The following TMEM164 variants were observed in gnomAD, a reference collection of about 807,000 sequenced individuals.
TMEM164 encodes the protein RP13-360B22.2.
TMEM164 carries 4 observed loss-of-function variants against 18.8 expected under a neutral mutation model. The observed-to-expected ratio is 0.21, with a 90% CI of 0.10 to 0.49. TMEM164 has a LOEUF of 0.49. TMEM164 is among the 20% of genes least tolerant of loss of function. The pLI, the probability that TMEM164 is intolerant of heterozygous loss-of-function variation, is 0.98. For synonymous variants in TMEM164, 86 were observed against 101.7 expected (o/e 0.85, Z 0.93); for missense variants, 108 against 239.9 (o/e 0.45, Z 3.63).
chrX:110,022,013 G>C (rs1306819624), intron 2 of TMEM164, among the ~76,000 whole-genome samples: 1 of 111,523 alleles, frequency 9.0e-6, no homozygotes, highest in Non-Finnish European at 1.9e-5. Context: ...TAGGGCAGCA[G>C]ATAATAAAAC....
chrX:110,067,154 G>GCACA (rs56336159), intron 2 of TMEM164, among the ~76,000 whole-genome samples, 193 bp from the exon 3 acceptor site: 4,160 of 101,564 alleles, frequency 0.041, 190 homozygotes, highest in African/African-American at 0.13. Flanking sequence ...TCATGTGTGC[G>GCACA]CACACACACA....
intron 4 of TMEM164, among the ~76,000 whole-genome samples, chrX:110,135,590 G>A (rs920950049): frequency 2.7e-5 from 3 of 111,519 alleles, no homozygotes; most frequent in African/African-American, 9.8e-5. Context: ...AATGTATCTT[G>A]TTTCTTCTTC....
intron 3 of TMEM164, among the ~76,000 whole-genome samples, chrX:110,085,229 T>A (rs1048956862): frequency 9.4e-6 from 1 of 106,128 alleles, no homozygotes; most frequent in African/African-American, 3.4e-5. Context: ...GGCATGTTCA[T>A]AGCTCATGGA....
chrX:110,055,331 G>A (rs758970331), intron 2 of TMEM164: 3 of 383,813 alleles, frequency 7.8e-6, no homozygotes, highest in Admixed American at 2.5e-5. Flanking sequence ...GGGCCGCCAC[G>A]AATGGCTATG....
At chrX:110,143,996 C>T (rs2066813725) in intron 4 of TMEM164, among the ~76,000 whole-genome samples, 1 of 112,030 alleles carries the variant, frequency 8.9e-6, no homozygotes, top group Non-Finnish European at 1.9e-5. Context: ...CAGGTCAAAA[C>T]ATGCTCTGCT....
intron 4 of TMEM164, among the ~76,000 whole-genome samples, chrX:110,111,436 C>T (rs1394807033): frequency 1.8e-5 from 2 of 112,184 alleles, no homozygotes; most frequent in African/African-American, 6.5e-5. Flanking sequence ...TCTCTCTGCT[C>T]CCCCTTGTAC....
At chrX:110,068,863 G>T (rs1602563818) in intron 3 of TMEM164, among the ~76,000 whole-genome samples, 1 of 111,157 alleles carries the variant, frequency 9.0e-6, no homozygotes, top group East Asian at 2.8e-4. Context: ...ACAAGTTTTG[G>T]AATGTTTTGT....
intron 4 of TMEM164, among the ~76,000 whole-genome samples, chrX:110,136,032 A>G (rs2066686541): frequency 8.9e-6 from 1 of 111,923 alleles, no homozygotes; most frequent in African/African-American, 3.2e-5. Context: ...ATCAGGATCC[A>G]GTGAAGTTTC....
intron 4 of TMEM164, among the ~76,000 whole-genome samples, chrX:110,134,423 A>G (rs1393620315): frequency 9.1e-6 from 1 of 109,983 alleles, no homozygotes; most frequent in Non-Finnish European, 1.9e-5. Context: ...AGCCAAGCAC[A>G]GTGGCCTGTG....
intron 4 of TMEM164, among the ~76,000 whole-genome samples, chrX:110,112,210 G>A (rs933411002): frequency 1.8e-5 from 2 of 111,603 alleles, no homozygotes; most frequent in African/African-American, 6.5e-5. Flanking sequence ...GCATATGCCT[G>A]TAATCCCAGC....
chrX:110,111,477 A>G (rs1181163505), intron 4 of TMEM164, among the ~76,000 whole-genome samples: 1 of 112,179 alleles, frequency 8.9e-6, no homozygotes, highest in Non-Finnish European at 1.9e-5. Flanking sequence ...GAAGTCAGGC[A>G]GATAGAGAGC....
chrX:110,093,504 T>C (rs1028187265), intron 3 of TMEM164, among the ~76,000 whole-genome samples: 1 of 112,184 alleles, frequency 8.9e-6, no homozygotes, highest in African/African-American at 3.2e-5. Context: ...TCTCTGATAG[T>C]TTGTATTTCT....
At chrX:110,151,036 C>A (rs1437515766) in intron 5 of TMEM164, among the ~76,000 whole-genome samples, 2 of 112,033 alleles carry the variant, frequency 1.8e-5, no homozygotes, top group African/African-American at 6.5e-5. Context: ...GTGACAGTCC[C>A]CGGATTTGAA....
At chrX:110,098,358 G>A (rs2066053218) in intron 3 of TMEM164, among the ~76,000 whole-genome samples, 1 of 111,856 alleles carries the variant, frequency 8.9e-6, no homozygotes, top group Non-Finnish European at 1.9e-5. Flanking sequence ...TATGAATAGA[G>A]TTGCTGTAAA....
chrX:110,160,404 G>A (rs776001970), intron 5 of TMEM164, among the ~76,000 whole-genome samples: 1 of 112,474 alleles, frequency 8.9e-6, no homozygotes, highest in African/African-American at 3.2e-5. Context: ...TGCTTTGAAA[G>A]TGATGGTAGT....
At chrX:110,040,272 G>A (rs1935031971) in intron 2 of TMEM164, among the ~76,000 whole-genome samples, 1 of 112,391 alleles carries the variant, frequency 8.9e-6, no homozygotes, top group South Asian at 3.7e-4. Flanking sequence ...CTTTGGTAAT[G>A]TGAATTGTAG....
chrX:110,062,902 T>A (rs961919795), intron 2 of TMEM164, among the ~76,000 whole-genome samples: 1 of 111,440 alleles, frequency 9.0e-6, no homozygotes, highest in African/African-American at 3.3e-5. Flanking sequence ...GATAGATCCC[T>A]CTTGTAGCAG....
chrX:110,107,499 G>A (rs190572135), intron 3 of TMEM164, among the ~76,000 whole-genome samples: 3 of 111,894 alleles, frequency 2.7e-5, no homozygotes, highest in Admixed American at 1.9e-4. Flanking sequence ...GCATACCATC[G>A]CTATTCGCAA....
chrX:110,128,428 G>C (rs1314750797), intron 4 of TMEM164, among the ~76,000 whole-genome samples: 1 of 112,279 alleles, frequency 8.9e-6, no homozygotes, highest in Non-Finnish European at 1.9e-5. Flanking sequence ...TTACTCCTTT[G>C]AAAGTAATCT....
Sources: allele counts gnomAD v4.1 joint callset (sites outside exome capture counted in the v4.1 genomes callset), GRCh38; gene constraint gnomAD v4.1.1; transcripts MANE v1.5; gene names NCBI Gene and HGNC (gene_info 2026-07-23, HGNC 2026-07-21).